EYA2: variants seen among roughly 807,000 people sequenced by gnomAD.
EYA2 encodes the protein protein phosphatase EYA2.
EYA2 carries 31 observed loss-of-function variants against 69.2 expected under a neutral mutation model. The observed-to-expected ratio is 0.45, with a 90% CI of 0.34 to 0.60. The LOEUF is 0.60. Ranked by LOEUF, EYA2 falls within the 20% of genes least tolerant of loss-of-function variation. The probability of loss-of-function intolerance (pLI) is 0.02; values close to 1 mark genes in which losing one functional copy is unlikely to be tolerated. For synonymous variants in EYA2, 257 were observed against 279.4 expected (o/e 0.92, Z 0.80); for missense variants, 622 against 701.2 (o/e 0.89, Z 1.28).
chr20:47,138,972 C>G (rs1297668557), intron 9 of EYA2, among the ~76,000 whole-genome samples: 2 of 151,852 alleles, frequency 1.3e-5, no homozygotes, highest in Non-Finnish European at 2.9e-5. Context: ...GTACATAATG[C>G]AATCAGAAAA....
intron 1 of EYA2, among the ~76,000 whole-genome samples, chr20:46,933,574 G>A (rs1012501169): frequency 1.3e-5 from 2 of 152,226 alleles, no homozygotes; most frequent in Admixed American, 1.3e-4. Context: ...TGTTATTGAG[G>A]AAGCAACTCT....
intron 1 of EYA2, among the ~76,000 whole-genome samples, chr20:46,932,481 T>C (rs1353045238): frequency 6.6e-6 from 1 of 152,170 alleles, no homozygotes; most frequent in East Asian, 1.9e-4. Flanking sequence ...GTAATTCCCA[T>C]GTGCCAAGGG....
chr20:47,126,903 G>A (rs2033205135), intron 9 of EYA2, among the ~76,000 whole-genome samples: 1 of 152,116 alleles, frequency 6.6e-6, no homozygotes, highest in Admixed American at 6.6e-5. Context: ...GAATTATCTG[G>A]CTCAAAATGC....
Position 47,089,273 on chromosome 20 carries a change from A to G in EYA2, c.696A>G (p.Pro232=), listed in dbSNP as rs2031995263. 2 of 1,614,024 alleles carry G rather than the reference A, an allele frequency of 1.2e-6. No homozygotes were observed. Among genetic ancestry groups the G allele is most frequent in the African/African-American group, 1.3e-5 (1 of 74,908 alleles). The part of the protein sequence containing the change: ...EYNTHNGPST[P]AKEGDTDRPH... ...ACACACACAATGGACCTTCCACACC[A>G]GCGAAAGAGGGAGACACAGACAGGC... Residue 232 remains proline, a synonymous_variant, in exon 8 of 16, where the codon CCA becomes CCG. Coordinates refer to ENST00000327619, the MANE Select transcript of EYA2 (RefSeq NM_005244.5).
At chr20:46,986,563 G>A (rs1414131193) in intron 1 of EYA2, among the ~76,000 whole-genome samples, 1 of 151,706 alleles carries the variant, frequency 6.6e-6, no homozygotes, top group Non-Finnish European at 1.5e-5. Flanking sequence ...AGGAATACCT[G>A]ATACTGAGTA....
intron 5 of EYA2, among the ~76,000 whole-genome samples, chr20:47,065,503 A>G (rs1279931515): frequency 1.4e-5 from 2 of 147,594 alleles, no homozygotes; most frequent in African/African-American, 5.3e-5. Flanking sequence ...ATTAGGGGAG[A>G]AAAAAAAATT....
At chr20:47,145,226 G>C (rs560821132) in intron 10 of EYA2, among the ~76,000 whole-genome samples, 70 of 152,110 alleles carry the variant, frequency 4.6e-4, no homozygotes, top group Middle Eastern at 3.4e-3. Flanking sequence ...GGAGGGTTGG[G>C]GGGCAGCATT....
Position 47,169,188 on chromosome 20 carries a change from A to T in EYA2, c.1028A>T (p.Gln343Leu), listed in dbSNP as rs1216351766. The change falls in exon 11 of 16, where the codon CAA becomes CTA. Residue 343 changes from glutamine to leucine, a missense_variant. This residue lies in a region of EYA2 where 257 missense variants were observed against 351.5 expected (regional missense o/e 0.73). Transcript: ENST00000327619. ...VDDVSSDDNG[Q>L]DLSTYNFSAD... ...GACGTCTCATCAGATGACAATGGCC[A>T]AGATTTAAGGTGGGAATTTGGGGAG... The T allele has an allele frequency of 6.2e-7, 1 of 1,613,932 alleles. No homozygotes were observed. Among genetic ancestry groups the T allele is most frequent in the African/African-American group, 1.3e-5 (1 of 74,912 alleles).
intron 1 of EYA2, among the ~76,000 whole-genome samples, chr20:46,943,312 G>A (rs967392364): frequency 1.3e-5 from 2 of 152,244 alleles, no homozygotes; most frequent in South Asian, 2.1e-4. Context: ...CAGTAATGTC[G>A]ATAGACATCC....
intron 5 of EYA2, among the ~76,000 whole-genome samples, chr20:47,065,530 G>A (rs969954620): frequency 7.2e-5 from 11 of 152,062 alleles, no homozygotes; most frequent in African/African-American, 2.4e-4. Flanking sequence ...GAACCCTGGC[G>A]AAGGGTGGCA....
chr20:47,004,787 C>A, intron 3 of EYA2, 155 bp from the exon 4 acceptor site: 1 of 991,368 alleles, frequency 1.0e-6, no homozygotes, highest in Non-Finnish European at 1.5e-6. Context: ...GCTTCCCAGG[C>A]AGAGGAAAAT....
At chr20:46,962,414 T>A (rs1979530676) in intron 1 of EYA2, among the ~76,000 whole-genome samples, 1 of 152,200 alleles carries the variant, frequency 6.6e-6, no homozygotes, top group Admixed American at 6.5e-5. Context: ...ATTGTATACC[T>A]GTATCAAAAT....
At chr20:47,183,266 T>C (rs780278420) in intron 14 of EYA2, 25 bp from the exon 15 acceptor site, 3 of 1,611,440 alleles carry the variant, frequency 1.9e-6, no homozygotes, top group African/African-American at 2.7e-5. Flanking sequence ...AGAGCGTTTT[T>C]TCTTTCCTTC....
At chr20:47,096,122 A>C (rs1211662047) in intron 8 of EYA2, 1 of 152,230 alleles carries the variant, frequency 6.6e-6, no homozygotes, top group African/African-American at 2.4e-5. Context: ...ACAAACTGAG[A>C]TATGACATTA....
At chr20:47,017,833 C>G (rs1427904273) in intron 5 of EYA2, among the ~76,000 whole-genome samples, 2 of 152,196 alleles carry the variant, frequency 1.3e-5, no homozygotes, top group African/African-American at 4.8e-5. Context: ...TTGTCCAACA[C>G]CAGGGCAAGG....
chr20:47,172,682 T>C (rs1172854060), intron 11 of EYA2, 25 bp from the exon 12 acceptor site: 1 of 1,588,968 alleles, frequency 6.3e-7, no homozygotes, highest in Non-Finnish European at 8.6e-7. Flanking sequence ...GCACTAACAC[T>C]GTCCCTCCCC....
chr20:47,094,300 G>A (rs6012118), intron 8 of EYA2, among the ~76,000 whole-genome samples: 83,847 of 152,128 alleles, frequency 0.55, 23,434 homozygotes, highest in Middle Eastern at 0.67. Flanking sequence ...AGATAAGTTA[G>A]GACTTGGCAT....
At chr20:47,180,277 C>T (rs571253520) in intron 13 of EYA2, among the ~76,000 whole-genome samples, 4 of 152,220 alleles carry the variant, frequency 2.6e-5, no homozygotes, top group Admixed American at 6.5e-5. Flanking sequence ...GTGATCCACC[C>T]GCCTCGGCCT....
At chr20:46,977,243 A>G (rs1980519079) in intron 1 of EYA2, among the ~76,000 whole-genome samples, 1 of 152,246 alleles carries the variant, frequency 6.6e-6, no homozygotes, top group Non-Finnish European at 1.5e-5. Flanking sequence ...TAGTGCCCCA[A>G]TGTGGCTGTA....
Sources: gnomAD v4.1 joint callset for allele counts (sites outside exome capture counted in the v4.1 genomes callset) on GRCh38, gnomAD v4.1.1 for gene constraint, gnomAD v4.1.1 regional missense constraint, MANE v1.5 for transcripts, NCBI Gene and HGNC (gene_info 2026-07-23, HGNC 2026-07-21) for gene names.